The following CXCL12 variants were observed in gnomAD, a reference collection of about 807,000 sequenced individuals.
CXCL12 encodes the protein C-X-C motif chemokine ligand 12.
A neutral mutation model predicts 10.7 loss-of-function variants in CXCL12; 4 were observed. That is an observed-to-expected ratio of 0.37 (90% confidence interval 0.18 to 0.86). The LOEUF (loss-of-function observed/expected upper bound fraction) is 0.86. Among genes scored for constraint, CXCL12 ranks in the 40% least tolerant of loss-of-function variants. The pLI is 0.43. For synonymous variants in CXCL12, 54 were observed against 45.4 expected, an observed-to-expected ratio of 1.19 and a Z score of -0.77; for missense variants, 122 against 110.4, an observed-to-expected ratio of 1.10 and a Z score of -0.47.
downstream of CXCL12, among the ~76,000 whole-genome samples, chr10:44,374,019 A>AC (rs1298455310): frequency 1.1e-4 from 16 of 152,306 alleles, no homozygotes; most frequent in Middle Eastern, 3.4e-3. Context: ...TGGGTGTACC[A>AC]CCTGCTCCCA....
At chr10:44,375,862 G>C, downstream of CXCL12, 1 of 1,602,220 alleles carries the variant, frequency 6.2e-7, no homozygotes, top group Non-Finnish European at 8.5e-7. Flanking sequence ...ATGGGGGTCT[G>C]TCCTGGAGGA....
At chr10:44,371,121 GA>G (rs2132034414), downstream of CXCL12, 1 of 207,240 alleles carries the variant, frequency 4.8e-6, no homozygotes, top group African/African-American at 2.4e-5. Flanking sequence ...CTTGCAAATG[GA>G]AGACTGTATT....
At chr10:44,376,049 A>G (rs947843182), downstream of CXCL12, 9 of 1,609,906 alleles carry the variant, frequency 5.6e-6, 1 homozygote, top group East Asian at 2.2e-5. Flanking sequence ...TAAAATTAGT[A>G]GAACCATTAA....
chr10:44,382,356 G>A (rs1368142094), intron 1 of CXCL12, among the ~76,000 whole-genome samples: 1 of 152,202 alleles, frequency 6.6e-6, no homozygotes, highest in African/African-American at 2.4e-5. Context: ...CCTGCAGCCT[G>A]GGTAACTGAG....
At position 44,378,524 on chromosome 10, in the gene CXCL12, G is replaced by C; in HGVS notation, c.*109C>G. 1 of 1,569,628 alleles carries C rather than the reference G, an allele frequency of 6.4e-7. No individual in the cohort carries two copies. On this transcript the variant is annotated 3_prime_UTR_variant, in exon 3 of 3. Coordinates refer to ENST00000343575, the MANE Select transcript of CXCL12 (RefSeq NM_199168.4). ...ATGTGCCCACCCCACACACACACCT[G>C]GTCCTCATGGTTAAGGCCCCCTCCC...
At chr10:44,374,690 T>C (rs1260288832), downstream of CXCL12, 1 of 456,032 alleles carries the variant, frequency 2.2e-6, no homozygotes, top group South Asian at 1.5e-5. Flanking sequence ...ACAGGGTGTG[T>C]CTGACATGCA....
In CXCL12 at chr10:44,378,180, C is replaced by G. The variant is rs571019429; in HGVS notation, c.*453G>C. 5.7e-6 allele frequency: 8 copies of G among 1,415,342 alleles called. No individual in the cohort carries two copies. Among genetic ancestry groups the G allele is most frequent in the Non-Finnish European group, 7.4e-6 (8 of 1,081,242 alleles). The allele number at this position is 1,415,342 out of a possible 1,614,324, so 87.7% of individuals were successfully genotyped here. The stretch of plus-strand genomic sequence containing the variant: ...AAGAAAGGACACTTTTTCCAGCTCC[C>G]TGTTAAGCCACCACCTGACTGTGCC... On this transcript the variant is annotated 3_prime_UTR_variant, in exon 3 of 3. Coordinates refer to ENST00000343575, the MANE Select transcript of CXCL12 (RefSeq NM_199168.4).
At chr10:44,384,805 GC>G (rs1839747286) in intron 1 of CXCL12, 139 bp downstream of exon 1, 2 of 774,122 alleles carry the variant, frequency 2.6e-6, no homozygotes, top group Non-Finnish European at 3.9e-6. Flanking sequence ...GCACCAGAGC[GC>G]CCAGCTAAGC....
Position 44,380,836 on chromosome 10 carries a change from C to T in CXCL12, c.106G>A (p.Glu36Lys), listed in dbSNP as rs1444139047. 14 of 1,614,188 alleles carry T rather than the reference C, an allele frequency of 8.7e-6. No homozygotes were observed. Among genetic ancestry groups the T allele is most frequent in the East Asian group, 6.7e-5 (3 of 44,874 alleles). ...LSYRCPCRFF[E>K]SHVARANVKH... ...ACGTTGGCTCTGGCAACATGGCTTT[C>T]GAAGAATCGGCATGGGCATCTGTAG... The change falls in exon 2 of 3, where the codon GAA becomes AAA. Residue 36 changes from glutamate (E) to lysine (K), a missense_variant. Glu to Lys is a moderately conservative substitution (Grantham distance 56). Coordinates refer to ENST00000343575, the MANE Select transcript of CXCL12 (RefSeq NM_199168.4).
At chr10:44,384,389 C>A (rs1201202274) in intron 1 of CXCL12, among the ~76,000 whole-genome samples, 1 of 152,178 alleles carries the variant, frequency 6.6e-6, no homozygotes, top group Non-Finnish European at 1.5e-5. Context: ...GGCCAAGAGC[C>A]CCGCGAGGGT....
chr10:44,381,199 G>A (rs1048284671), intron 1 of CXCL12, among the ~76,000 whole-genome samples: 1 of 152,194 alleles, frequency 6.6e-6, no homozygotes, highest in Non-Finnish European at 1.5e-5. Flanking sequence ...AGTAGATAAC[G>A]GTTTCAGTCC....
At chr10:44,384,856 G>T in intron 1 of CXCL12, 89 bp downstream of exon 1, 1 of 1,342,766 alleles carries the variant, frequency 7.4e-7, no homozygotes, top group Non-Finnish European at 1.0e-6. Flanking sequence ...GGCGCAAACT[G>T]CGGGCGCAGG....
intron 1 of CXCL12, among the ~76,000 whole-genome samples, chr10:44,384,497 G>A (rs1261396627): frequency 6.6e-6 from 1 of 152,208 alleles, no homozygotes; most frequent in African/African-American, 2.4e-5. Flanking sequence ...TGCAAAGCGC[G>A]CTCTCGCCAT....
At position 44,378,135 on chromosome 10, in the gene CXCL12, T is replaced by C; in HGVS notation, c.*498A>G. ...GCCTTCCTCTTGGGAGGGGCGCTGC[T>C]GCGGGAGCCTCAGTGTCTGAAGAAA... On this transcript the variant is annotated 3_prime_UTR_variant, in exon 3 of 3. Coordinates refer to ENST00000343575, the MANE Select transcript of CXCL12 (RefSeq NM_199168.4). 7.0e-7 allele frequency: 1 copy of C among 1,438,310 alleles called. No individual in the cohort carries two copies. Among genetic ancestry groups the C allele is most frequent in the Non-Finnish European group, 9.1e-7 (1 of 1,100,234 alleles). 89.1% of individuals were successfully genotyped at this position (1,438,310 alleles called of 1,614,324 possible).
At position 44,384,975 on chromosome 10, in the gene CXCL12, G is replaced by T; in HGVS notation, c.31C>A (p.Leu11Ile). MNAKVVVVLV[L>I]VLTALCLSDG... is the part of the protein sequence containing the mutation. ...CTGAGGCAGAGCGCGGTCAGCACGA[G>T]GACCAGCACGACCACGACCTTGGCG... Residue 11 changes from leucine (L) to isoleucine (I), a missense_variant, in exon 1 of 3, where the codon CTC becomes ATC. Physicochemically the swap from Leu to Ile is conservative, Grantham distance 5. Transcript: ENST00000343575. The T allele has an allele frequency of 7.5e-7, 1 of 1,332,108 alleles. No individual in the cohort carries two copies. The highest frequency in any genetic ancestry group is 9.8e-7 in the Non-Finnish European group (1 of 1,020,502). 82.5% of individuals were successfully genotyped at this position (1,332,108 alleles called of 1,614,324 possible). A position where few individuals can be genotyped will look rare whatever the true frequency, so the allele number is the denominator to read the frequency against.
chr10:44,370,367 GTAT>G (rs1839286404), exon 4 of CXCL12: 1 of 152,596 alleles, frequency 6.6e-6, no homozygotes, highest in South Asian at 2.1e-4. Context: ...ACAAAATACA[GTAT>G]TCATCACATT....
chr10:44,382,930 A>G (rs956996169), intron 1 of CXCL12, among the ~76,000 whole-genome samples: 11 of 152,204 alleles, frequency 7.2e-5, no homozygotes, highest in Admixed American at 2.0e-4. Flanking sequence ...TGTACCGGCA[A>G]GAGTCCTGAC....
chr10:44,382,071 C>G (rs1839649463), intron 1 of CXCL12, among the ~76,000 whole-genome samples: 1 of 152,130 alleles, frequency 6.6e-6, no homozygotes, highest in Admixed American at 6.5e-5. Flanking sequence ...TGTATTCAGC[C>G]ACCAAGTTGC....
intron 2 of CXCL12, among the ~76,000 whole-genome samples, chr10:44,379,839 T>G (rs895830771): frequency 3.3e-5 from 5 of 152,188 alleles, no homozygotes; most frequent in Non-Finnish European, 7.3e-5. Flanking sequence ...AAAACATTCA[T>G]TTTCTAGGGC....
Sources: allele counts gnomAD v4.1 joint callset (sites outside exome capture counted in the v4.1 genomes callset), GRCh38; gene constraint gnomAD v4.1.1; transcripts MANE v1.5; gene names NCBI Gene and HGNC (gene_info 2026-07-23, HGNC 2026-07-21).